The following SEMA3D variants were observed in gnomAD, a reference collection of about 807,000 sequenced individuals.
The protein encoded by SEMA3D is semaphorin-3D.
A neutral mutation model predicts 100.1 loss-of-function variants in SEMA3D; 84 were observed. That is an observed-to-expected ratio of 0.84 (90% CI 0.70 to 1.01). The LOEUF (loss-of-function observed/expected upper bound fraction) is 1.01. Ranked by LOEUF, SEMA3D falls within the 50% of genes least tolerant of loss-of-function variation. The probability of loss-of-function intolerance (pLI) is 0.00; values close to 1 mark genes in which losing one functional copy is unlikely to be tolerated. For missense variants in SEMA3D, 875 were observed against 934.1 expected (o/e 0.94, Z 0.82); for synonymous variants, 312 against 320.7 (o/e 0.97, Z 0.29).
chr7:85,197,386 G>GT, the SEMA3D span, among the ~76,000 whole-genome samples: 3 of 152,054 alleles, frequency 2.0e-5, no homozygotes, highest in Non-Finnish European at 4.4e-5. Context: ...GTGATCCCAG[G>GT]TTTTTAGATA....
chr7:85,141,212 C>G (rs2116461843), intron 2 of SEMA3D: 1 of 982,548 alleles, frequency 1.0e-6, no homozygotes, highest in Admixed American at 6.2e-5. Context: ...CATATTAACC[C>G]CCTCTCTTAT....
At position 85,009,881 on chromosome 7, in the gene SEMA3D, C is replaced by T. The variant is rs769446233; in HGVS notation, c.1768+2901G>A. ...TAGGTGCTAGGATAATATGACAGGA[C>T]GAATATGAAATTCACTGCCCTCTAG... On this transcript the variant is annotated intron_variant, in intron 17 of 18. Transcript: ENST00000284136. Among the ~76,000 whole-genome samples, 22 of 151,564 alleles carry T rather than the reference C, an allele frequency of 1.5e-4. No homozygotes were observed. The South Asian group carries it at 3.1e-3, about 21-fold the overall frequency.
At chr7:85,048,213 G>C (rs1390378649) in intron 9 of SEMA3D, among the ~76,000 whole-genome samples, 7 of 151,586 alleles carry the variant, frequency 4.6e-5, no homozygotes, top group African/African-American at 1.7e-4. Context: ...CATATTCTTT[G>C]CTTGATTTGT....
chr7:85,212,100 G>C, the SEMA3D span, among the ~76,000 whole-genome samples: 1 of 152,078 alleles, frequency 6.6e-6, no homozygotes, highest in Non-Finnish European at 1.5e-5. Context: ...TACTTGGATA[G>C]TCATGGAGAA....
At chr7:85,240,282 T>C in the SEMA3D span, among the ~76,000 whole-genome samples, 2 of 152,146 alleles carry the variant, frequency 1.3e-5, no homozygotes, top group African/African-American at 2.4e-5. Flanking sequence ...TTTTAGATTG[T>C]TGATATGATG....
chr7:85,154,331 C>T (rs1448876694), intron 1 of SEMA3D, among the ~76,000 whole-genome samples: 1 of 151,990 alleles, frequency 6.6e-6, no homozygotes, highest in Non-Finnish European at 1.5e-5. Flanking sequence ...CAACATTTAC[C>T]TTTCAATAGA....
intron 9 of SEMA3D, among the ~76,000 whole-genome samples, chr7:85,055,137 GA>G (rs1791272244): frequency 6.6e-6 from 1 of 151,892 alleles, no homozygotes; most frequent in African/African-American, 2.4e-5. Flanking sequence ...ATATTTAATA[GA>G]GTAATAACGT....
intron 2 of SEMA3D, among the ~76,000 whole-genome samples, chr7:85,134,610 T>C (rs1302826140): frequency 6.6e-6 from 1 of 152,030 alleles, no homozygotes; most frequent in Non-Finnish European, 1.5e-5. Context: ...TTACTTCTTT[T>C]GAACCACATG....
intron 1 of SEMA3D, among the ~76,000 whole-genome samples, chr7:85,156,056 A>G (rs1458563774): frequency 6.6e-6 from 1 of 152,108 alleles, no homozygotes; most frequent in Non-Finnish European, 1.5e-5. Context: ...AAATGTAGAC[A>G]AAATAATGTT....
chr7:85,066,913 C>CAG (rs201123647), intron 7 of SEMA3D, among the ~76,000 whole-genome samples: 1,908 of 127,792 alleles, frequency 0.015, 61 homozygotes, highest in East Asian at 0.12. Context: ...CACACACACA[C>CAG]AGAGAGAGAG....
intron 5 of SEMA3D, among the ~76,000 whole-genome samples, chr7:85,074,085 T>G (rs1791853421): frequency 6.6e-6 from 1 of 152,202 alleles, no homozygotes; most frequent in Non-Finnish European, 1.5e-5. Flanking sequence ...TTCTTAACCG[T>G]GGCTTCATGA....
intron 8 of SEMA3D, among the ~76,000 whole-genome samples, chr7:85,059,501 T>C (rs1158946857): frequency 6.6e-6 from 1 of 152,194 alleles, no homozygotes; most frequent in Admixed American, 6.5e-5. Context: ...AACTTACACA[T>C]GCAGCATGAT....
At chr7:85,187,341 C>T (rs1791588058), upstream of SEMA3D, among the ~76,000 whole-genome samples, 1 of 152,160 alleles carries the variant, frequency 6.6e-6, no homozygotes, top group East Asian at 1.9e-4. Flanking sequence ...TACCATAAAA[C>T]CTGTTAAGGG....
rs1554351641 is a variant in SEMA3D, at chr7:85,176,781, C to CACAT, written c.-173+9896_-173+9897insATGT. Reference sequence around the variant, plus strand: ...ATGTGTGTGTGTGTGTATTTGTATACATATATATATATAGAGAGAGAGAGA... The same window carrying CACAT: ...ATGTGTGTGTGTGTGTATTTGTATACACATATATATATATATAGAGAGAGAGAGA... On this transcript the variant is annotated intron_variant, in intron 1 of 18. Transcript: ENST00000284136. Among the ~76,000 whole-genome samples, 24 of 146,474 alleles carry CACAT rather than the reference C, an allele frequency of 1.6e-4. 1 individual carries two copies. The highest frequency in any genetic ancestry group is 3.5e-3 in the Middle Eastern group (1 of 288).
At chr7:85,223,152 T>C in the SEMA3D span, among the ~76,000 whole-genome samples, 1 of 151,550 alleles carries the variant, frequency 6.6e-6, no homozygotes, top group South Asian at 2.1e-4. Context: ...TAAAAAAAAA[T>C]AGATGTTGGT....
At chr7:85,209,130 G>A in the SEMA3D span, among the ~76,000 whole-genome samples, 1 of 151,920 alleles carries the variant, frequency 6.6e-6, no homozygotes, top group African/African-American at 2.4e-5. Flanking sequence ...TATGAAATTT[G>A]ACAGAATGAA....
chr7:85,190,318 A>T (rs1791668719), upstream of SEMA3D, among the ~76,000 whole-genome samples: 1 of 152,188 alleles, frequency 6.6e-6, no homozygotes, highest in South Asian at 2.1e-4. Context: ...GTCATACCTT[A>T]GTCATTCAGA....
intron 2 of SEMA3D, among the ~76,000 whole-genome samples, chr7:85,145,628 G>T (rs1258655526): frequency 6.6e-6 from 1 of 151,422 alleles, no homozygotes; most frequent in African/African-American, 2.4e-5. Flanking sequence ...AATACAAAAA[G>T]CCAAAAAAAA....
intron 3 of SEMA3D, among the ~76,000 whole-genome samples, chr7:85,099,796 C>A (rs80171415): frequency 0.036 from 5,457 of 151,958 alleles, 297 homozygotes; most frequent in African/African-American, 0.12. Flanking sequence ...AGAATCTTTT[C>A]ATACGCTTAT....
Sources: allele counts gnomAD v4.1 joint callset (sites outside exome capture counted in the v4.1 genomes callset), GRCh38; gene constraint gnomAD v4.1.1; transcripts MANE v1.5; gene names NCBI Gene and HGNC (gene_info 2026-07-23, HGNC 2026-07-21).